The following THAP8 variants were observed in gnomAD, a reference collection of about 807,000 sequenced individuals.
THAP8 encodes the protein THAP domain containing 8, also known as THAP domain-containing protein 8.
Under a neutral mutation model 25.0 loss-of-function variants are expected in THAP8, and 24 were observed. The observed-to-expected ratio is 0.96, with a 90% confidence interval of 0.69 to 1.35. The LOEUF (loss-of-function observed/expected upper bound fraction) is 1.35, where lower values mean the gene tolerates loss of function less well. Ranked by LOEUF, THAP8 falls within the 40% of genes most tolerant of loss-of-function variation. The pLI, the probability that THAP8 is intolerant of heterozygous loss-of-function variation, is 0.00. For missense variants in THAP8, 399 were observed against 368.8 expected, an observed-to-expected ratio of 1.08 and a Z score of -0.67; for synonymous variants, 169 against 157.6, an observed-to-expected ratio of 1.07 and a Z score of -0.54.
chr19:36,035,440 T>C lies in THAP8; in HGVS notation c.825A>G (p.Ter275=). The C allele has an allele frequency of 6.2e-7, 1 of 1,613,608 alleles. No individual in the cohort carries two copies. Among genetic ancestry groups the C allele is most frequent in the East Asian group, 2.2e-5 (1 of 44,864 alleles). ...CCCTCGACATTGTCTGTCTTGATCC[T>C]TATGCACTGGGGATCCGAGTGTCCA... The part of the protein sequence containing the change: ...ELLDTRIPSA[*] The change falls in exon 4 of 4, where the codon TAA becomes TAG. Residue 275 remains the stop codon, a stop_retained_variant. Transcript: ENST00000292894.
chr19:36,041,208 A>T (rs1969682266), intron 1 of THAP8, among the ~76,000 whole-genome samples: 1 of 151,328 alleles, frequency 6.6e-6, no homozygotes, highest in Admixed American at 6.6e-5. Context: ...GCTACTCGGG[A>T]GGCTGAAGTG....
Position 36,039,332 on chromosome 19 carries a change from C to T in THAP8, c.663G>A (p.Leu221=). The change falls in exon 3 of 4, where the codon CTG becomes CTA. Residue 221 remains leucine (L), a synonymous_variant. Coordinates refer to ENST00000292894, the MANE Select transcript of THAP8 (RefSeq NM_152658.3). ...CTGGGGTGCCACTCACCAGGCGCTG[C>T]AGACCCCGGCGTGCCCGTGCCAGCA... ...ESLLARARRG[L]QRLTTAQTLG... 1 of 1,500,540 alleles carries T rather than the reference C, an allele frequency of 6.7e-7. No homozygotes were observed. Among genetic ancestry groups the T allele is most frequent in the Non-Finnish European group, 8.9e-7 (1 of 1,129,304 alleles). The allele number at this position is 1,500,540 out of a possible 1,614,324, so 93.0% of individuals were successfully genotyped here. A position where few individuals can be genotyped will look rare whatever the true frequency, so the allele number is the denominator to read the frequency against.
intron 1 of THAP8, among the ~76,000 whole-genome samples, chr19:36,053,039 A>G (rs1428817565): frequency 1.3e-5 from 2 of 152,022 alleles, no homozygotes; most frequent in Non-Finnish European, 2.9e-5. Context: ...ACTGGACAAC[A>G]TAGGGTGATC....
chr19:36,038,850 CAA>C (rs541061979), intron 3 of THAP8, among the ~76,000 whole-genome samples: 5 of 90,290 alleles, frequency 5.5e-5, no homozygotes, highest in African/African-American at 4.0e-5. Flanking sequence ...GACTCCGTCT[CAA>C]AAAAAAAAAA....
At chr19:36,053,570 AAAGC>A in intron 1 of THAP8, among the ~76,000 whole-genome samples, 1 of 151,456 alleles carries the variant, frequency 6.6e-6, no homozygotes, top group Non-Finnish European at 1.5e-5. Context: ...AAAAAAAAAA[AAAGC>A]AAAGAAATGT....
chr19:36,045,879 C>T (rs758178274), intron 1 of THAP8: 6 of 456,504 alleles, frequency 1.3e-5, no homozygotes, highest in South Asian at 7.7e-5. Context: ...CCAGGAAAGC[C>T]GATTTGGACT....
At chr19:36,037,595 T>C (rs1969521023) in intron 3 of THAP8, among the ~76,000 whole-genome samples, 1 of 152,186 alleles carries the variant, frequency 6.6e-6, no homozygotes, top group Admixed American at 6.6e-5. Context: ...CATTTTTTCA[T>C]CTGGAAGATA....
chr19:36,050,733 T>G (rs1970032636), intron 1 of THAP8, among the ~76,000 whole-genome samples: 1 of 152,192 alleles, frequency 6.6e-6, no homozygotes, highest in South Asian at 2.1e-4. Context: ...AGGGGCTTAC[T>G]TGCTTCTCCA....
chr19:36,051,399 G>A (rs760860700), intron 1 of THAP8, among the ~76,000 whole-genome samples: 2 of 152,062 alleles, frequency 1.3e-5, no homozygotes, highest in South Asian at 2.1e-4. Context: ...TGGGAGTCAC[G>A]GAAGGGATCT....
intron 2 of THAP8, 108 bp from the exon 3 acceptor site, chr19:36,039,826 C>A (rs950719663): frequency 1.5e-5 from 23 of 1,553,144 alleles, no homozygotes; most frequent in Middle Eastern, 1.8e-4. Context: ...TAAGGCCAGA[C>A]CTCAGGGAGG....
chr19:36,037,243 T>TACACAC (rs67358015), intron 3 of THAP8, among the ~76,000 whole-genome samples: 1,200 of 114,188 alleles, frequency 0.011, 22 homozygotes, highest in Admixed American at 0.021. Flanking sequence ...CTTCCTCCCC[T>TACACAC]ACACACACAC....
chr19:36,039,387 C>T lies in THAP8; in HGVS notation c.608G>A (p.Arg203Gln), dbSNP rs1350356908. 3.9e-6 allele frequency: 6 copies of T among 1,542,190 alleles called. No homozygotes were observed. Among genetic ancestry groups the T allele is most frequent in the African/African-American group, 1.4e-5 (1 of 73,266 alleles). The change falls in exon 3 of 4, where the codon CGG (arginine) becomes CAG (glutamine). Residue 203 changes from arginine to glutamine, a missense_variant. Arg to Gln is a conservative substitution (Grantham distance 43, BLOSUM62 1). Coordinates refer to ENST00000292894, the MANE Select transcript of THAP8 (RefSeq NM_152658.3). ...CTCCCCGTGTAGCTGCTGTGCCAGC[C>T]GTTCCAGGGCCTGCAGCTGCGCCTG... is the stretch of plus-strand genomic sequence containing the variant. ...RHQAQLQALE[R>Q]LAQQLHGESL...
intron 1 of THAP8, among the ~76,000 whole-genome samples, chr19:36,048,859 A>AC (rs1378598932): frequency 2.0e-5 from 3 of 148,124 alleles, no homozygotes; most frequent in South Asian, 2.1e-4. Flanking sequence ...AAAAAAAACA[A>AC]AAAAACAAAA....
intron 1 of THAP8, among the ~76,000 whole-genome samples, chr19:36,049,660 G>A (rs1355997437): frequency 1.1e-5 from 1 of 89,284 alleles, no homozygotes; most frequent in African/African-American, 4.7e-5. Flanking sequence ...ATATACAGTC[G>A]TCATCATTTT....
chr19:36,038,809 C>T (rs1969572509), intron 3 of THAP8, among the ~76,000 whole-genome samples: 1 of 150,736 alleles, frequency 6.6e-6, no homozygotes, highest in Admixed American at 6.6e-5. Context: ...CGAGATTGCA[C>T]TACTGCACTC....
intron 3 of THAP8, among the ~76,000 whole-genome samples, chr19:36,037,243 TACACACACACAC>T (rs67358015): frequency 6.1e-5 from 7 of 114,174 alleles, no homozygotes; most frequent in South Asian, 6.7e-4. Context: ...CTTCCTCCCC[TACACACACACAC>T]ACACACACAC....
At position 36,035,387 on chromosome 19, in the gene THAP8, C is replaced by T; in HGVS notation, c.*53G>A. On this transcript the variant is annotated 3_prime_UTR_variant, in exon 4 of 4. Coordinates refer to ENST00000292894, the MANE Select transcript of THAP8 (RefSeq NM_152658.3). ...GCTGGGCCAAGCCCACGTATAATGT[C>T]TTTCCTCCTCCATCTTCTATCTTTT... 6.3e-7 allele frequency: 1 copy of T among 1,580,494 alleles called. No individual in the cohort carries two copies. Among genetic ancestry groups the T allele is most frequent in the South Asian group, 1.1e-5 (1 of 87,432 alleles).
rs746330862 is a variant in THAP8, at chr19:36,054,175, C to A, written c.43G>T (p.Gly15Cys). 2 of 1,613,742 alleles carry A rather than the reference C, an allele frequency of 1.2e-6. No individual in the cohort carries two copies. The highest frequency in any genetic ancestry group is 2.7e-5 in the African/African-American group (2 of 74,778). ...CRAPNCSNTA[G>C]RLGADNRPVS... ...GGGCGGTTGTCTGCACCCAGGCGGCCCGCAGTGTTGGAGCAGTTCGGCGCC... is the reference window on the plus strand; with the variant it reads ...GGGCGGTTGTCTGCACCCAGGCGGCACGCAGTGTTGGAGCAGTTCGGCGCC... Residue 15 changes from glycine (G) to cysteine (C), a missense_variant, in exon 1 of 4, where the codon GGC (glycine) becomes TGC (cysteine). Coordinates refer to ENST00000292894, the MANE Select transcript of THAP8 (RefSeq NM_152658.3).
chr19:36,040,983 G>A (rs1378413979), intron 1 of THAP8, among the ~76,000 whole-genome samples: 13 of 152,030 alleles, frequency 8.6e-5, no homozygotes, highest in Admixed American at 8.5e-4. Flanking sequence ...GACAATTGGG[G>A]AAAACTGAAC....
Sources: allele counts gnomAD v4.1 joint callset (sites outside exome capture counted in the v4.1 genomes callset), GRCh38; gene constraint gnomAD v4.1.1; transcripts MANE v1.5; gene names NCBI Gene and HGNC (gene_info 2026-07-23, HGNC 2026-07-21).